MUC3A: variants seen among roughly 807,000 people sequenced by gnomAD.
MUC3A encodes mucin-3A.
In MUC3A, 109 loss-of-function variants were observed where a neutral mutation model predicts 109.0. That is an observed-to-expected ratio of 1.00 (90% CI 0.86 to 1.17). The LOEUF (loss-of-function observed/expected upper bound fraction) is 1.17, where lower values mean the gene tolerates loss of function less well. MUC3A is among the 50% of genes most tolerant of loss of function. The pLI, the probability that MUC3A is intolerant of heterozygous loss-of-function variation, is 0.00. For missense variants in MUC3A, 3,537 were observed against 2,469.4 expected (o/e 1.43, Z -9.16); for synonymous variants, 1,398 against 981.4 (o/e 1.42, Z -7.93).
intron 4 of MUC3A, 51 bp downstream of exon 4, chr7:100,963,317 GCACTCT>G: frequency 8.3e-7 from 1 of 1,199,016 alleles, no homozygotes; most frequent in Middle Eastern, 2.0e-4. Flanking sequence ...GTGTAGTCTC[GCACTCT>G]CACCCTGGCT....
In MUC3A at chr7:100,960,460, A is replaced by T; in HGVS notation, c.8681A>T (p.Lys2894Ile). The T allele has an allele frequency of 6.3e-7, 1 of 1,598,646 alleles. No homozygotes were observed. The highest frequency in any genetic ancestry group is 1.1e-5 in the South Asian group (1 of 91,090). ...PGVSTIPLTMKPSSSLPTILR... is the reference protein window; with the variant it reads ...PGVSTIPLTMIPSSSLPTILR... The stretch of plus-strand genomic sequence containing the variant: ...GTCTCTACCATCCCGCTCACCATGA[A>T]ACCAAGCAGTAGCCTCCCGACCATC... Residue 2894 changes from lysine to isoleucine, a missense_variant, in exon 2 of 12, where the codon AAA becomes ATA. Coordinates refer to ENST00000379458, the MANE Select transcript of MUC3A (RefSeq NM_005960.2).
At position 100,959,316 on chromosome 7, in the gene MUC3A, C is replaced by T. The variant is rs113821643; in HGVS notation, c.7537C>T (p.Pro2513Ser). The change falls in exon 2 of 12, where the codon CCC becomes TCC. Residue 2513 changes from proline to serine, a missense_variant. Pro to Ser is a moderately conservative substitution (Grantham distance 74). Transcript: ENST00000379458. Reference protein sequence around the residue: ...LTTTTDFPSIPTDISTLPTRT... With the variant: ...LTTTTDFPSISTDISTLPTRT... ...TACAACCACAGACTTTCCCTCTATACCCACTGATATCAGTACCTTACCAAC... is the reference window on the plus strand; with the variant it reads ...TACAACCACAGACTTTCCCTCTATATCCACTGATATCAGTACCTTACCAAC... The T allele has an allele frequency of 1.9e-6, 3 of 1,567,300 alleles. No individual in the cohort carries two copies. The highest frequency in any genetic ancestry group is 2.4e-5 in the South Asian group (2 of 84,732).
In MUC3A at chr7:100,966,656, T is replaced by C. The variant is rs1792578468; in HGVS notation, c.9790T>C (p.Trp3264Arg). ...CCGCGCGGCGGCCCCACCTAGGTCC[T>C]GGGACCAGGACAGGAAATGGTTCGA... ...WWGGQRRGRS[W>R]DQDRKWFETW... The change falls in exon 10 of 12, where the codon TGG (tryptophan) becomes CGG (arginine). Residue 3264 changes from tryptophan (W) to arginine (R), a missense_variant. By Grantham distance (101) the Trp-to-Arg change is moderately radical (BLOSUM62 -3). Coordinates refer to ENST00000379458, the MANE Select transcript of MUC3A (RefSeq NM_005960.2). The C allele has an allele frequency of 6.3e-7, 1 of 1,598,538 alleles. No homozygotes were observed. Among genetic ancestry groups the C allele is most frequent in the South Asian group, 1.1e-5 (1 of 91,090 alleles).
rs752287360 is a variant in MUC3A at position 100,952,133 on chromosome 7, C to G, written c.354C>G (p.Thr118=). 1 of 1,598,546 alleles carries G rather than the reference C, an allele frequency of 6.3e-7. No individual in the cohort carries two copies. Among genetic ancestry groups the G allele is most frequent in the Non-Finnish European group, 8.5e-7 (1 of 1,179,758 alleles). The change falls in exon 2 of 12, where the codon ACC becomes ACG. Residue 118 remains threonine (T), a synonymous_variant. Coordinates refer to ENST00000379458, the MANE Select transcript of MUC3A (RefSeq NM_005960.2). ...FAFKVETTPP[T]VLVYSATTEC... ...TCAAGGTTGAAACCACTCCACCCAC[C>G]GTGTTGGTCTATTCAGCCACCACTG... is the stretch of plus-strand genomic sequence containing the variant.
At chr7:100,963,023 C>G in intron 3 of MUC3A, 128 bp from the exon 4 acceptor site, 1 of 1,030,588 alleles carries the variant, frequency 9.7e-7, no homozygotes, top group Admixed American at 2.2e-5. Context: ...GTTCCTGCCT[C>G]TGGGCATCAG....
At position 100,960,363 on chromosome 7, in the gene MUC3A, A is replaced by G; in HGVS notation, c.8584A>G (p.Thr2862Ala). 6.3e-7 allele frequency: 1 copy of G among 1,598,546 alleles called. No individual in the cohort carries two copies. The highest frequency in any genetic ancestry group is 8.5e-7 in the Non-Finnish European group (1 of 1,179,830). ...TGTVPTNTVF[T>A]STRLPTSETW... is the part of the protein sequence containing the mutation. ...GACTGTACCCACAAACACAGTTTTC[A>G]CAAGTACTCGACTGCCCACCAGTGA... The change falls in exon 2 of 12, where the codon ACA (threonine) becomes GCA (alanine). Residue 2862 changes from threonine to alanine, a missense_variant. By Grantham distance (58) the Thr-to-Ala change is moderately conservative. Transcript: ENST00000379458.
In MUC3A at chr7:100,964,784, C is replaced by G. The variant is rs587664220; in HGVS notation, c.9323C>G (p.Thr3108Arg). Residue 3108 changes from threonine (T) to arginine (R), a missense_variant, in exon 6 of 12, where the codon ACG becomes AGG. Transcript: ENST00000379458. ...LESEYEQVKT[T>R]LKEGLQNASQ... ...AGCGAGTATGAGCAGGTGAAGACCA[C>G]GCTGAAGGAGGGGCTGCAGAACGCC... is the stretch of plus-strand genomic sequence containing the variant. 6.3e-7 allele frequency: 1 copy of G among 1,598,286 alleles called. No individual in the cohort carries two copies. The highest frequency in any genetic ancestry group is 1.7e-5 in the Admixed American group (1 of 60,008).
Position 100,954,854 on chromosome 7 carries a change from T to C in MUC3A, c.3075T>C (p.Thr1025=), listed in dbSNP as rs1163292403. ...CCAATACAATGACTTCTATGAGAAC[T>C]ACAACCTATTGGCCCACAGCCACTA... The part of the protein sequence containing the change: ...TPTNTMTSMR[T]TTYWPTATNT... Residue 1025 remains threonine (T), a synonymous_variant, in exon 2 of 12, where the codon ACT becomes ACC. Coordinates refer to ENST00000379458, the MANE Select transcript of MUC3A (RefSeq NM_005960.2). 2.6e-6 allele frequency: 1 copy of C among 379,964 alleles called. No individual in the cohort carries two copies. Among genetic ancestry groups the C allele is most frequent in the Non-Finnish European group, 4.6e-6 (1 of 219,648 alleles). 23.5% of individuals were successfully genotyped at this position (379,964 alleles called of 1,614,324 possible). A position where few individuals can be genotyped will look rare whatever the true frequency, so the allele number is the denominator to read the frequency against.
At position 100,959,202 on chromosome 7, in the gene MUC3A, G is replaced by C. The variant is rs77979106; in HGVS notation, c.7423G>C (p.Val2475Leu). The C allele has an allele frequency of 1.8e-6, 2 of 1,126,494 alleles. No homozygotes were observed. Among genetic ancestry groups the C allele is most frequent in the South Asian group, 2.0e-5 (1 of 50,056 alleles). The allele number at this position is 1,126,494 out of a possible 1,614,324, so 69.8% of individuals were successfully genotyped here. ...TSETAVTPTP[V>L]TPSSLSTDIP... ...AGAGACTGCGGTGACTCCCACACCT[G>C]TAACCCCATCTTCTCTGAGTACAGA... The change falls in exon 2 of 12, where the codon GTA becomes CTA. Residue 2475 changes from valine (V) to leucine (L), a missense_variant. By Grantham distance (32) the Val-to-Leu change is conservative. Coordinates refer to ENST00000379458, the MANE Select transcript of MUC3A (RefSeq NM_005960.2).
At position 100,963,137 on chromosome 7, in the gene MUC3A, C is replaced by T; in HGVS notation, c.9053-14C>T. 1.9e-6 allele frequency: 3 copies of T among 1,597,378 alleles called. No homozygotes were observed. Among genetic ancestry groups the T allele is most frequent in the South Asian group, 1.1e-5 (1 of 90,648 alleles). On this transcript the variant is annotated splice_polypyrimidine_tract_variant and intron_variant, in intron 3 of 11. Coordinates refer to ENST00000379458, the MANE Select transcript of MUC3A (RefSeq NM_005960.2). ...AGACAGAGAAGTGACTGGGGACATG[C>T]ATGCTCTGTGTAGATGTAGTGGAGA...
rs778283471 is a variant in MUC3A, at chr7:100,960,333, A to C, written c.8554A>C (p.Thr2852Pro). Residue 2852 changes from threonine to proline, a missense_variant, in exon 2 of 12, where the codon ACT becomes CCT. Physicochemically the swap from Thr to Pro is conservative, Grantham distance 38 (BLOSUM62 -1). Coordinates refer to ENST00000379458, the MANE Select transcript of MUC3A (RefSeq NM_005960.2). ...ISPNASSSTGTGTVPTNTVFT... is the reference protein window; with the variant it reads ...ISPNASSSTGPGTVPTNTVFT... ...ACCCAATGCTTCCAGTTCCACTGGC[A>C]CTGGGACTGTACCCACAAACACAGT... 1.3e-6 allele frequency: 2 copies of C among 1,598,426 alleles called. No individual in the cohort carries two copies. The highest frequency in any genetic ancestry group is 1.7e-5 in the Admixed American group (1 of 60,008).
Position 100,953,185 on chromosome 7 carries a change from C to T in MUC3A, c.1406C>T (p.Thr469Ile), listed in dbSNP as rs1265060467. 7 of 607,646 alleles carry T rather than the reference C, an allele frequency of 1.2e-5. No homozygotes were observed. The highest frequency in any genetic ancestry group is 3.0e-5 in the Admixed American group (1 of 33,412). 37.6% of individuals were successfully genotyped at this position (607,646 alleles called of 1,614,324 possible). Residue 469 changes from threonine to isoleucine, a missense_variant, in exon 2 of 12, where the codon ACA becomes ATA. Transcript: ENST00000379458. ...TGFLTTATDL[T>I]STFTVSSSSA... is the part of the protein sequence containing the mutation. Reference sequence around the variant, plus strand: ...TTCCTGACTACAGCAACAGACCTCACATCAACATTCACGGTTTCCAGTTCC... The same window carrying T: ...TTCCTGACTACAGCAACAGACCTCATATCAACATTCACGGTTTCCAGTTCC...
At position 100,960,890 on chromosome 7, in the gene MUC3A, C is replaced by T; in HGVS notation, c.9005C>T (p.Thr3002Ile). The T allele has an allele frequency of 1.9e-6, 3 of 1,598,538 alleles. No individual in the cohort carries two copies. Among genetic ancestry groups the T allele is most frequent in the Non-Finnish European group, 2.5e-6 (3 of 1,179,818 alleles). ...WDGLKCQCPS[T>I]FYGSSCEFAV... ...GGCCTCAAATGCCAGTGCCCCAGCA[C>T]CTTCTATGGTTCCAGTTGTGAGTTT... Residue 3002 changes from threonine to isoleucine, a missense_variant, in exon 3 of 12, where the codon ACC (threonine) becomes ATC (isoleucine). Transcript: ENST00000379458.
rs773386648 is a variant in MUC3A at position 100,960,219 on chromosome 7, A to G, written c.8440A>G (p.Thr2814Ala). 1 of 1,596,640 alleles carries G rather than the reference A, an allele frequency of 6.3e-7. No individual in the cohort carries two copies. Among genetic ancestry groups the G allele is most frequent in the South Asian group, 1.1e-5 (1 of 90,972 alleles). Residue 2814 changes from threonine to alanine, a missense_variant, in exon 2 of 12, where the codon ACC (threonine) becomes GCC (alanine). Transcript: ENST00000379458. ...TVFPFTTEMV[T>A]CPTSISIQTT... ...CTTTCCCTTTACTACCGAAATGGTCACCTGTCCTACCTCCATCAGTATCCA... is the reference window on the plus strand; with the variant it reads ...CTTTCCCTTTACTACCGAAATGGTCGCCTGTCCTACCTCCATCAGTATCCA...
intron 4 of MUC3A, 21 bp downstream of exon 4, chr7:100,963,287 A>AT (rs34281234): frequency 0.048 from 63,851 of 1,339,666 alleles, 75 homozygotes; most frequent in African/African-American, 0.057. Flanking sequence ...AAGAGAGGGG[A>AT]TTTTTTTTTT....
chr7:100,958,503 T>TTGATCACCACCA lies in MUC3A; in HGVS notation c.6724_6725insTGATCACCACCA (p.Ser2242delinsLeuIleThrThrThr). 8.6e-7 allele frequency: 1 copy of TTGATCACCACCA among 1,164,294 alleles called. No homozygotes were observed. The allele number at this position is 1,164,294 out of a possible 1,614,324, so 72.1% of individuals were successfully genotyped here. On this transcript the variant is annotated protein_altering_variant, in exon 2 of 12. Transcript: ENST00000379458. Reference sequence around the variant, plus strand: ...CCACAGTACTCCCGGCTTCACTTCTTCAATCACCACCACTGAGACTACATC... The same window carrying TTGATCACCACCA: ...CCACAGTACTCCCGGCTTCACTTCTTTGATCACCACCACAATCACCACCACTGAGACTACATC...
chr7:100,967,432 C>T lies in MUC3A; in HGVS notation c.*270C>T. Reference sequence around the variant, plus strand: ...AGTTTCCTCACCTGCAAAACGGGTACAGCATTCCTGTATGATAGCTCACGC... The same window carrying T: ...AGTTTCCTCACCTGCAAAACGGGTATAGCATTCCTGTATGATAGCTCACGC... On this transcript the variant is annotated 3_prime_UTR_variant, in exon 12 of 12. Transcript: ENST00000379458. The T allele has an allele frequency of 1.7e-6, 1 of 603,760 alleles. No homozygotes were observed. The highest frequency in any genetic ancestry group is 2.9e-6 in the Non-Finnish European group (1 of 341,606). The allele number at this position is 603,760 out of a possible 1,614,324, so 37.4% of individuals were successfully genotyped here. A position where few individuals can be genotyped will look rare whatever the true frequency, so the allele number is the denominator to read the frequency against.
rs1792080948 is a variant in MUC3A, at chr7:100,955,807, T to G, written c.4028T>G (p.Val1343Gly). ...ACGATGGAACCACCTTCAACCACTG[T>G]AGCGACTACAGGCACAGGTCAGACC... ...SPTMEPPSTT[V>G]ATTGTGQTTF... Residue 1343 changes from valine to glycine, a missense_variant, in exon 2 of 12, where the codon GTA becomes GGA. Coordinates refer to ENST00000379458, the MANE Select transcript of MUC3A (RefSeq NM_005960.2). 1 of 443,382 alleles carries G rather than the reference T, an allele frequency of 2.3e-6. No individual in the cohort carries two copies. Among genetic ancestry groups the G allele is most frequent in the East Asian group, 3.5e-5 (1 of 28,836 alleles). The allele number at this position is 443,382 out of a possible 1,614,324, so 27.5% of individuals were successfully genotyped here.
chr7:100,964,038 T>A, intron 5 of MUC3A: 1 of 589,374 alleles, frequency 1.7e-6, no homozygotes, highest in Non-Finnish European at 3.0e-6. Flanking sequence ...GGCTGGCCCC[T>A]GCTCTACTGA....
Sources: gnomAD v4.1 joint callset for allele counts on GRCh38, gnomAD v4.1.1 for gene constraint, MANE v1.5 for transcripts, NCBI Gene and HGNC (gene_info 2026-07-23, HGNC 2026-07-21) for gene names.